The following TASP1 variants were observed in gnomAD, a reference collection of about 807,000 sequenced individuals.
TASP1 encodes threonine aspartase 1.
Under a neutral mutation model 56.6 loss-of-function variants are expected in TASP1, and 16 were observed. The ratio of observed to expected loss-of-function variants is 0.28; its 90% CI spans 0.19 to 0.43. The LOEUF (loss-of-function observed/expected upper bound fraction) is 0.43. Ranked by LOEUF, TASP1 falls within the 20% of genes least tolerant of loss-of-function variation. TASP1 has a pLI of 1.00. For missense variants in TASP1, 393 were observed against 511.6 expected, an observed-to-expected ratio of 0.77 and a Z score of 2.24; for synonymous variants, 179 against 184.2, an observed-to-expected ratio of 0.97 and a Z score of 0.23.
chr20:13,629,844 C>G, intron 2 of TASP1, 90 bp downstream of exon 2: 1 of 1,584,584 alleles, frequency 6.3e-7, no homozygotes, highest in Non-Finnish European at 8.6e-7. Flanking sequence ...TTGCCTCCTC[C>G]AAGTGTGAAA....
chr20:13,105,719 A>G, the TASP1 span, among the ~76,000 whole-genome samples: 1 of 152,204 alleles, frequency 6.6e-6, no homozygotes, highest in African/African-American at 2.4e-5. Flanking sequence ...CACATTTACC[A>G]TCTATCATTT....
chr20:13,110,343 T>A, the TASP1 span: 2 of 733,420 alleles, frequency 2.7e-6, no homozygotes, highest in African/African-American at 1.8e-5. Context: ...CACAGGGACC[T>A]GAGACAGAGC....
At chr20:13,334,344 T>C in the TASP1 span, among the ~76,000 whole-genome samples, 4 of 152,364 alleles carry the variant, frequency 2.6e-5, no homozygotes, top group East Asian at 7.7e-4. Flanking sequence ...TACACTTTAA[T>C]GCAATAATGC....
intron 4 of TASP1, among the ~76,000 whole-genome samples, chr20:13,616,176 A>G (rs1015358164): frequency 6.6e-6 from 1 of 152,198 alleles, no homozygotes; most frequent in Non-Finnish European, 1.5e-5. Flanking sequence ...TCCTATTAAT[A>G]TAGGACTAGA....
At chr20:13,426,018 C>T (rs1217456729) in intron 12 of TASP1, among the ~76,000 whole-genome samples, 1 of 152,162 alleles carries the variant, frequency 6.6e-6, no homozygotes, top group Non-Finnish European at 1.5e-5. Flanking sequence ...AATAATCATT[C>T]CCTCTTTCTA....
chr20:13,295,814 G>A, the TASP1 span, among the ~76,000 whole-genome samples: 4 of 152,192 alleles, frequency 2.6e-5, no homozygotes, highest in African/African-American at 9.7e-5. Context: ...CTCAGTCATT[G>A]GCTGAGAGCA....
At chr20:13,266,218 A>G in the TASP1 span, among the ~76,000 whole-genome samples, 1 of 152,204 alleles carries the variant, frequency 6.6e-6, no homozygotes, top group Non-Finnish European at 1.5e-5. Flanking sequence ...AGAGGGGACT[A>G]GACATTGGGC....
At chr20:13,137,753 T>C in the TASP1 span, among the ~76,000 whole-genome samples, 230 of 152,302 alleles carry the variant, frequency 1.5e-3, no homozygotes, top group African/African-American at 5.1e-3. Context: ...AGGGAATCTC[T>C]CTACAAAATT....
chr20:13,626,156 G>A (rs112069098), intron 2 of TASP1, among the ~76,000 whole-genome samples: 66 of 152,272 alleles, frequency 4.3e-4, no homozygotes, highest in African/African-American at 1.5e-3. Context: ...CAAACACAGT[G>A]GCTCATGCCT....
chr20:13,281,772 C>G, the TASP1 span, among the ~76,000 whole-genome samples: 1 of 152,184 alleles, frequency 6.6e-6, no homozygotes, highest in South Asian at 2.1e-4. Flanking sequence ...CCGCTTGATG[C>G]CAGCCTGAGA....
chr20:13,340,489 CTT>C, the TASP1 span, among the ~76,000 whole-genome samples: 3 of 142,986 alleles, frequency 2.1e-5, no homozygotes, highest in Non-Finnish European at 3.1e-5. Flanking sequence ...AGTGTGTTTG[CTT>C]TTTTTTTTTG....
chr20:13,332,786 C>T, the TASP1 span, among the ~76,000 whole-genome samples: 2 of 152,264 alleles, frequency 1.3e-5, no homozygotes, highest in East Asian at 3.9e-4. Flanking sequence ...TTTGTTCATT[C>T]ATGATTCATT....
At chr20:13,344,873 G>A in the TASP1 span, among the ~76,000 whole-genome samples, 1 of 152,152 alleles carries the variant, frequency 6.6e-6, no homozygotes, top group African/African-American at 2.4e-5. Flanking sequence ...CCCAGAAATT[G>A]GTCCCAGTGG....
At chr20:13,213,386 C>A in the TASP1 span, among the ~76,000 whole-genome samples, 1 of 152,130 alleles carries the variant, frequency 6.6e-6, no homozygotes, top group Non-Finnish European at 1.5e-5. Flanking sequence ...TTACACCAAG[C>A]CTGACTTGCT....
chr20:13,449,878 C>A (rs73901177), intron 11 of TASP1, among the ~76,000 whole-genome samples: 4,949 of 152,150 alleles, frequency 0.033, 266 homozygotes, highest in African/African-American at 0.11. Context: ...AGGACTTTTA[C>A]ATAGAAAGCT....
chr20:13,381,621 G>A, the TASP1 span, among the ~76,000 whole-genome samples: 4 of 152,172 alleles, frequency 2.6e-5, no homozygotes, highest in Admixed American at 2.0e-4. Flanking sequence ...GAACTAGCTA[G>A]GGTATTGTTT....
At chr20:13,400,391 G>A (rs1471337173) in intron 13 of TASP1, among the ~76,000 whole-genome samples, 1 of 152,014 alleles carries the variant, frequency 6.6e-6, no homozygotes, top group Non-Finnish European at 1.5e-5. Context: ...ACTCTTAACT[G>A]TTCAAAATTT....
the TASP1 span, among the ~76,000 whole-genome samples, chr20:13,153,145 C>G: frequency 6.6e-6 from 1 of 152,204 alleles, no homozygotes; most frequent in African/African-American, 2.4e-5. Context: ...TCTTATTGAG[C>G]AAACACTATC....
the TASP1 span, among the ~76,000 whole-genome samples, chr20:13,206,402 T>G: frequency 6.6e-6 from 1 of 152,266 alleles, no homozygotes; most frequent in Middle Eastern, 3.4e-3. Context: ...ATTTTAAGGA[T>G]TACGCTTTTT....
Sources: gnomAD v4.1 joint callset for allele counts (sites outside exome capture counted in the v4.1 genomes callset) on GRCh38, gnomAD v4.1.1 for gene constraint, MANE v1.5 for transcripts, NCBI Gene and HGNC (gene_info 2026-07-23, HGNC 2026-07-21) for gene names.